The following DPYSL3 variants were observed in gnomAD, a reference collection of about 807,000 sequenced individuals.
DPYSL3 encodes dihydropyrimidinase-related protein 3.
In DPYSL3, 16 loss-of-function variants were observed where a neutral mutation model predicts 66.1. The observed-to-expected ratio is 0.24, with a 90% CI of 0.16 to 0.37. The LOEUF is 0.37. DPYSL3 is among the 10% of genes least tolerant of loss of function. The pLI is 1.00. For synonymous variants in DPYSL3, 338 were observed against 345.1 expected, an observed-to-expected ratio of 0.98 and a Z score of 0.23; for missense variants, 738 against 916.2, an observed-to-expected ratio of 0.81 and a Z score of 2.51.
intron 8 of DPYSL3, chr5:147,401,911 G>A (rs1758192922): frequency 2.2e-6 from 1 of 456,324 alleles, no homozygotes. Flanking sequence ...GAAGCCATTG[G>A]TTGTTAGATG....
At chr5:147,395,274 C>A (rs928704438) in intron 13 of DPYSL3, among the ~76,000 whole-genome samples, 3 of 152,174 alleles carry the variant, frequency 2.0e-5, no homozygotes, top group African/African-American at 7.2e-5. Flanking sequence ...ATAGAGGGGA[C>A]CAGCTCCCCG....
intron 10 of DPYSL3, among the ~76,000 whole-genome samples, chr5:147,399,987 A>G (rs981636310): frequency 1.3e-5 from 2 of 152,220 alleles, no homozygotes; most frequent in African/African-American, 4.8e-5. Flanking sequence ...AAAGAAGAAA[A>G]AGAAAACTCA....
chr5:147,423,354 C>T (rs1752122444), intron 2 of DPYSL3, among the ~76,000 whole-genome samples: 1 of 152,144 alleles, frequency 6.6e-6, no homozygotes, highest in African/African-American at 2.4e-5. Flanking sequence ...CTCATTCATT[C>T]AATGTTATTT....
At chr5:147,468,601 T>C (rs532731543) in intron 1 of DPYSL3, among the ~76,000 whole-genome samples, 9 of 152,282 alleles carry the variant, frequency 5.9e-5, no homozygotes, top group East Asian at 1.9e-4. Flanking sequence ...TAAAAGACTA[T>C]CGCAAGAAAC....
chr5:147,488,368 C>T (rs1013978603), intron 1 of DPYSL3, among the ~76,000 whole-genome samples: 2 of 152,124 alleles, frequency 1.3e-5, no homozygotes, highest in Non-Finnish European at 2.9e-5. Context: ...TCTAAAATAG[C>T]GATGAATGGG....
intron 1 of DPYSL3, among the ~76,000 whole-genome samples, chr5:147,456,397 T>C (rs1490690779): frequency 6.6e-6 from 1 of 152,082 alleles, no homozygotes; most frequent in African/African-American, 2.4e-5. Context: ...TAGACTTGAT[T>C]TACAGTCCCA....
chr5:147,425,028 A>G, intron 1 of DPYSL3, 65 bp from the exon 2 acceptor site: 1 of 1,307,908 alleles, frequency 7.6e-7, no homozygotes, highest in South Asian at 1.3e-5. Context: ...TGATCTGCCA[A>G]GGTTTTCCCA....
Position 147,415,214 on chromosome 5 carries a change from C to T in DPYSL3, c.820+495G>A, listed in dbSNP as rs553926698. On this transcript the variant is annotated intron_variant, in intron 4 of 13. Transcript: ENST00000343218. ...CTCCCAGCCTGAGTACCAATACATC[C>T]TTGCTCCTAGAAATGCCTTAGCCTT... Among the ~76,000 whole-genome samples, 4 of 152,226 alleles carry T rather than the reference C, an allele frequency of 2.6e-5. No individual in the cohort carries two copies. In the East Asian group the frequency reaches 7.7e-4, roughly 29 times the overall value.
chr5:147,443,487 G>C (rs528189569), intron 1 of DPYSL3, among the ~76,000 whole-genome samples: 3 of 152,084 alleles, frequency 2.0e-5, no homozygotes, highest in East Asian at 3.9e-4. Flanking sequence ...TTGGGGGTTG[G>C]GGGGGTGATG....
chr5:147,494,367 A>G (rs1581217937), intron 1 of DPYSL3, among the ~76,000 whole-genome samples: 1 of 152,112 alleles, frequency 6.6e-6, no homozygotes, highest in African/African-American at 2.4e-5. Context: ...TAAATGATAG[A>G]TAAATACATT....
At chr5:147,455,055 C>CT (rs1752821733) in intron 1 of DPYSL3, among the ~76,000 whole-genome samples, 1 of 152,338 alleles carries the variant, frequency 6.6e-6, no homozygotes, top group Admixed American at 6.5e-5. Context: ...CTGTATGTCA[C>CT]TAAGCATGAC....
chr5:147,416,605 A>G (rs976485751), intron 3 of DPYSL3, among the ~76,000 whole-genome samples: 6 of 152,216 alleles, frequency 3.9e-5, no homozygotes, highest in Admixed American at 3.3e-4. Context: ...GGCAAAGTAC[A>G]AGTAAGGACA....
In DPYSL3 at chr5:147,421,639, A is replaced by G. The variant is rs144217464; in HGVS notation, c.471-3008T>C. ...ATAATTTCACAGTAACCAAAACAGC[A>G]TGGTACTGGTAGCAAAACAGATACA... On this transcript the variant is annotated intron_variant, in intron 2 of 13. Coordinates refer to ENST00000343218, the MANE Select transcript of DPYSL3 (RefSeq NM_001197294.2). Among the ~76,000 whole-genome samples, 369 of 152,336 alleles carry G rather than the reference A, an allele frequency of 2.4e-3. 2 individuals carry two copies. Among genetic ancestry groups the G allele is most frequent in the African/African-American group, 8.6e-3 (358 of 41,590 alleles).
chr5:147,407,757 A>T (rs1013031427), intron 7 of DPYSL3, among the ~76,000 whole-genome samples: 1 of 152,128 alleles, frequency 6.6e-6, no homozygotes, highest in Admixed American at 6.5e-5. Context: ...TGTGACTGGA[A>T]CCCTAATCAC....
chr5:147,489,293 A>G (rs1167615384), intron 1 of DPYSL3, among the ~76,000 whole-genome samples: 1 of 152,188 alleles, frequency 6.6e-6, no homozygotes, highest in Non-Finnish European at 1.5e-5. Context: ...TCCTCTTAGT[A>G]TCCACACCAG....
At chr5:147,491,350 G>C (rs1753411646) in intron 1 of DPYSL3, among the ~76,000 whole-genome samples, 1 of 152,140 alleles carries the variant, frequency 6.6e-6, no homozygotes, top group Admixed American at 6.5e-5. Flanking sequence ...ATTTACTAGA[G>C]TTCCTTTTAC....
intron 1 of DPYSL3, among the ~76,000 whole-genome samples, chr5:147,458,194 G>C (rs886789353): frequency 6.6e-6 from 1 of 152,158 alleles, no homozygotes; most frequent in Admixed American, 6.5e-5. Flanking sequence ...CACAGGATGA[G>C]AGAGGAGGTC....
intron 1 of DPYSL3, among the ~76,000 whole-genome samples, chr5:147,504,168 A>G (rs1561808387): frequency 1.3e-5 from 2 of 152,204 alleles, no homozygotes; most frequent in African/African-American, 2.4e-5. Flanking sequence ...CACCAGGAGA[A>G]TCAGCTGTAA....
intron 1 of DPYSL3, among the ~76,000 whole-genome samples, chr5:147,496,955 G>A (rs891198856): frequency 6.6e-6 from 1 of 152,144 alleles, no homozygotes; most frequent in African/African-American, 2.4e-5. Context: ...GCACACGTAT[G>A]TTTATAGTGG....
Sources: gnomAD v4.1 joint callset for allele counts (sites outside exome capture counted in the v4.1 genomes callset) on GRCh38, gnomAD v4.1.1 for gene constraint, MANE v1.5 for transcripts, NCBI Gene and HGNC (gene_info 2026-07-23, HGNC 2026-07-21) for gene names.